Variants in BEND7 observed in about 807,000 individuals in gnomAD.
BEND7 encodes the protein BEN domain containing 7, also known as BEN domain-containing protein 7.
Under a neutral mutation model 50.9 loss-of-function variants are expected in BEND7, and 28 were observed. That is an observed-to-expected ratio of 0.55 (90% CI 0.41 to 0.75). BEND7 has a LOEUF of 0.75. Among genes scored for constraint, BEND7 ranks in the 30% least tolerant of loss-of-function variants. The pLI is 0.00. For missense variants in BEND7, 477 were observed against 491.3 expected (o/e 0.97, Z 0.28); for synonymous variants, 170 against 183.9 (o/e 0.92, Z 0.61).
At chr10:13,474,442 C>G (rs904558801) in intron 6 of BEND7, among the ~76,000 whole-genome samples, 15 of 152,220 alleles carry the variant, frequency 9.9e-5, no homozygotes, top group East Asian at 1.9e-4. Context: ...CGATATCTGT[C>G]ATCACTGTTA....
chr10:13,518,417 G>A (rs2078852978), intron 2 of BEND7, among the ~76,000 whole-genome samples: 1 of 152,252 alleles, frequency 6.6e-6, no homozygotes, highest in Admixed American at 6.5e-5. Context: ...TTGTTGGTGT[G>A]ATCTTTAATA....
In BEND7 at chr10:13,496,777, T is replaced by C; in HGVS notation, c.560A>G (p.Gln187Arg). Residue 187 changes from glutamine to arginine, a missense_variant, in exon 4 of 9, where the codon CAA becomes CGA. By Grantham distance (43) the Gln-to-Arg change is conservative (BLOSUM62 1). Transcript: ENST00000466271. The part of the protein sequence containing the change: ...QELKTMRKLM[Q>R]IQAVGTQNRQ... ...CCTGATCCTTGTACCTGCTTGAATTTGCATTAATTTCCTCATGGTCTTGAG... is the reference window on the plus strand; with the variant it reads ...CCTGATCCTTGTACCTGCTTGAATTCGCATTAATTTCCTCATGGTCTTGAG... The C allele has an allele frequency of 6.2e-7, 1 of 1,613,558 alleles. No individual in the cohort carries two copies. Among genetic ancestry groups the C allele is most frequent in the Non-Finnish European group, 8.5e-7 (1 of 1,179,818 alleles).
chr10:13,485,066 T>A (rs1014431590), intron 5 of BEND7, among the ~76,000 whole-genome samples: 1 of 152,182 alleles, frequency 6.6e-6, no homozygotes, highest in African/African-American at 2.4e-5. Flanking sequence ...GGGAATCTCC[T>A]AACTAGGTAA....
intron 2 of BEND7, among the ~76,000 whole-genome samples, chr10:13,505,872 C>A (rs948133613): frequency 6.6e-5 from 10 of 152,114 alleles, no homozygotes; most frequent in African/African-American, 1.2e-4. Flanking sequence ...GTTCCATAAA[C>A]CTTTCTTAAG....
chr10:13,483,591 T>C (rs1005073614), intron 5 of BEND7, among the ~76,000 whole-genome samples: 10 of 152,256 alleles, frequency 6.6e-5, no homozygotes, highest in African/African-American at 2.2e-4. Flanking sequence ...AGCACACCTG[T>C]GTCTTCTAAC....
intron 1 of BEND7, 34 bp from the exon 2 acceptor site, chr10:13,526,255 T>C (rs1339939463): frequency 2.6e-6 from 3 of 1,156,266 alleles, no homozygotes; most frequent in Non-Finnish European, 3.4e-6. Flanking sequence ...ATTAGAATCC[T>C]AAGGACCTCA....
Position 13,441,262 on chromosome 10 carries a change from T to C in BEND7, c.*481A>G, listed in dbSNP as rs1213773191. On this transcript the variant is annotated 3_prime_UTR_variant, in exon 9 of 9. Transcript: ENST00000466271. ...AATATTTACATATTAATAAAACATA[T>C]ATACAGAAGATTGAGACATTATCCA... 17 of 912,736 alleles carry C rather than the reference T, an allele frequency of 1.9e-5. No individual in the cohort carries two copies. The highest frequency in any genetic ancestry group is 2.2e-5 in the Non-Finnish European group (17 of 763,872). The allele number at this position is 912,736 out of a possible 1,614,324, so 56.5% of individuals were successfully genotyped here. A position where few individuals can be genotyped will look rare whatever the true frequency, so the allele number is the denominator to read the frequency against.
chr10:13,513,039 T>C (rs1275132309), intron 2 of BEND7, among the ~76,000 whole-genome samples: 1 of 152,252 alleles, frequency 6.6e-6, no homozygotes, highest in African/African-American at 2.4e-5. Context: ...ATGTATACCA[T>C]GCACACAACT....
At position 13,492,721 on chromosome 10, in the gene BEND7, T is replaced by C. The variant is rs766587357; in HGVS notation, c.727A>G (p.Lys243Glu). The C allele has an allele frequency of 3.2e-5, 52 of 1,614,154 alleles. No individual in the cohort carries two copies. The highest frequency in any genetic ancestry group is 4.3e-5 in the Non-Finnish European group (51 of 1,180,012). The change falls in exon 5 of 9, where the codon AAG becomes GAG. Residue 243 changes from lysine (K) to glutamate (E), a missense_variant. Around this residue, in one of 3 missense-constraint regions of BEND7, gnomAD observed 396 missense variants for 384.2 expected, o/e 1.03. Coordinates refer to ENST00000466271, the MANE Select transcript of BEND7 (RefSeq NM_001369863.1). The stretch of plus-strand genomic sequence containing the variant: ...GATAGCTCAGAGGCCACCACCGACT[T>C]TTTCTCCATCTCTGACCCACTGGGC... ...QKPSGSEMEK[K>E]SVVASELSAL...
rs1835371391 is a variant in BEND7, at chr10:13,441,837, A to G, written c.1235-87T>C. On this transcript the variant is annotated intron_variant, in intron 8 of 8. Coordinates refer to ENST00000466271, the MANE Select transcript of BEND7 (RefSeq NM_001369863.1). ...AGGCTAACAAAAAGGTATGATGGAA[A>G]TAATTTCTCCAAACCTTCCTTGTAG... 4.4e-6 allele frequency: 6 copies of G among 1,368,884 alleles called. No individual in the cohort carries two copies. The East Asian group carries it at 1.2e-4, about 27-fold the overall frequency. 84.8% of individuals were successfully genotyped at this position (1,368,884 alleles called of 1,614,324 possible).
intron 6 of BEND7, among the ~76,000 whole-genome samples, chr10:13,457,824 T>C (rs1010623122): frequency 1.3e-5 from 2 of 152,230 alleles, no homozygotes; most frequent in Non-Finnish European, 2.9e-5. Context: ...AAAAGAGGTA[T>C]TGCATTAATG....
downstream of BEND7, chr10:13,438,986 C>T (rs983023576): frequency 1.2e-5 from 7 of 602,902 alleles, no homozygotes; most frequent in African/African-American, 1.9e-5. Flanking sequence ...CAGAATGACT[C>T]GGTTGCATAT....
intron 2 of BEND7, among the ~76,000 whole-genome samples, chr10:13,521,575 A>G (rs2079080642): frequency 6.6e-6 from 1 of 152,130 alleles, no homozygotes; most frequent in Admixed American, 6.5e-5. Context: ...CTGAAGGTGG[A>G]GCTTTTGTGG....
At chr10:13,497,119 C>T (rs569476559) in intron 3 of BEND7, among the ~76,000 whole-genome samples, 3 of 152,266 alleles carry the variant, frequency 2.0e-5, no homozygotes, top group South Asian at 4.1e-4. Flanking sequence ...CGTGCTGTGG[C>T]GCGGTGCGGG....
intron 6 of BEND7, among the ~76,000 whole-genome samples, chr10:13,478,232 T>C (rs1254972926): frequency 6.6e-6 from 1 of 152,182 alleles, no homozygotes; most frequent in African/African-American, 2.4e-5. Flanking sequence ...TAATTCCCCC[T>C]GGTTCATGAC....
chr10:13,472,447 G>A (rs1457760030), intron 6 of BEND7, among the ~76,000 whole-genome samples: 6 of 151,384 alleles, frequency 4.0e-5, no homozygotes, highest in South Asian at 2.1e-4. Context: ...ATCTGTCATC[G>A]CTGTTAGATT....
At chr10:13,508,564 A>G (rs976773185) in intron 2 of BEND7, among the ~76,000 whole-genome samples, 3 of 152,238 alleles carry the variant, frequency 2.0e-5, no homozygotes, top group African/African-American at 7.2e-5. Flanking sequence ...CTAGACACAA[A>G]TATATCTCCA....
rs571195366 is a variant in BEND7 at position 13,514,876 on chromosome 10, G to A, written c.145+11262C>T. 4.6e-5 allele frequency among the ~76,000 whole-genome samples: 7 copies of A among 152,288 alleles called. No homozygotes were observed. In the South Asian group the frequency reaches 8.3e-4, roughly 18 times the overall value. ...CTTTTAAAAGGTACCTGAACCTTGC[G>A]CTTCTGTGGGGTTCTTTACATTTCC... On this transcript the variant is annotated intron_variant, in intron 2 of 8. Transcript: ENST00000466271.
At chr10:13,463,637 G>A (rs1564272583) in intron 6 of BEND7, among the ~76,000 whole-genome samples, 1 of 150,198 alleles carries the variant, frequency 6.7e-6, no homozygotes, top group African/African-American at 2.4e-5. Context: ...AACTTTGTTG[G>A]AAAAAAAAAT....
Sources: gnomAD v4.1 joint callset for allele counts (sites outside exome capture counted in the v4.1 genomes callset) on GRCh38, gnomAD v4.1.1 for gene constraint, gnomAD v4.1.1 regional missense constraint, MANE v1.5 for transcripts, NCBI Gene and HGNC (gene_info 2026-07-23, HGNC 2026-07-21) for gene names.